Variants in DDX10 observed in about 807,000 individuals in gnomAD.
DDX10 encodes the protein probable ATP-dependent RNA helicase DDX10.
In DDX10, 74 loss-of-function variants were observed where a neutral mutation model predicts 104.3. That is an observed-to-expected ratio of 0.71 (90% CI 0.59 to 0.86). DDX10 has a LOEUF of 0.86. Ranked by LOEUF, DDX10 falls within the 40% of genes least tolerant of loss-of-function variation. The pLI, the probability that DDX10 is intolerant of heterozygous loss-of-function variation, is 0.00. For missense variants in DDX10, 952 were observed against 1,040.0 expected (o/e 0.92, Z 1.16); for synonymous variants, 351 against 353.4 (o/e 0.99, Z 0.08).
chr11:108,803,065 A>G (rs1281202565), intron 13 of DDX10, among the ~76,000 whole-genome samples: 1 of 152,320 alleles, frequency 6.6e-6, no homozygotes, highest in East Asian at 1.9e-4. Context: ...TTACACATAC[A>G]TGCTGTCTCC....
rs532253752 is a variant in DDX10, at chr11:108,863,573, T to C, written c.2304+11364T>C. Reference sequence around the variant, plus strand: ...TCCATTTATTTATATTAGCACAGCTTTCTTTGGAAAGTATATTATCGGAAG... The same window carrying C: ...TCCATTTATTTATATTAGCACAGCTCTCTTTGGAAAGTATATTATCGGAAG... On this transcript the variant is annotated intron_variant, in intron 16 of 17. Transcript: ENST00000322536. 6.6e-5 allele frequency among the ~76,000 whole-genome samples: 10 copies of C among 152,342 alleles called. No homozygotes were observed. In the South Asian group the frequency reaches 2.1e-3, roughly 32 times the overall value.
In DDX10 at chr11:108,796,919, A is replaced by G. The variant is rs77304608; in HGVS notation, c.1966-41527A>G. Among the ~76,000 whole-genome samples the G allele has an allele frequency of 7.0e-4, 106 of 152,266 alleles. 1 individual carries two copies. In the East Asian group the frequency reaches 0.02, roughly 28 times the overall value. On this transcript the variant is annotated intron_variant, in intron 13 of 17. Coordinates refer to ENST00000322536, the MANE Select transcript of DDX10 (RefSeq NM_004398.4). ...TGTGTGATGCCTTTCACGGTGTTAT[A>G]ATGCAGCAAGAAGGCCCTCATCAGA... is the stretch of plus-strand genomic sequence containing the variant.
intron 13 of DDX10, among the ~76,000 whole-genome samples, chr11:108,752,276 T>A (rs1455802716): frequency 6.6e-6 from 1 of 152,152 alleles, no homozygotes; most frequent in African/African-American, 2.4e-5. Context: ...ACCGGGTTCC[T>A]CTTGCTTCTG....
intron 13 of DDX10, among the ~76,000 whole-genome samples, chr11:108,823,138 A>C (rs913510175): frequency 1.3e-5 from 2 of 152,206 alleles, no homozygotes; most frequent in African/African-American, 4.8e-5. Flanking sequence ...AATCACCACT[A>C]TATGGCTTTG....
chr11:108,890,052 A>G (rs1863355033), intron 16 of DDX10, among the ~76,000 whole-genome samples: 1 of 152,134 alleles, frequency 6.6e-6, no homozygotes, highest in Non-Finnish European at 1.5e-5. Flanking sequence ...GAATAAACCA[A>G]CAGATCTTGG....
At chr11:108,688,233 G>T (rs1565247441) in intron 6 of DDX10, among the ~76,000 whole-genome samples, 1 of 151,982 alleles carries the variant, frequency 6.6e-6, no homozygotes. Context: ...GAATAAAGTA[G>T]GTTTATTAAT....
chr11:108,862,616 GA>G (rs1862955854), intron 16 of DDX10, among the ~76,000 whole-genome samples: 1 of 152,196 alleles, frequency 6.6e-6, no homozygotes, highest in African/African-American at 2.4e-5. Context: ...ATGAGAAAAT[GA>G]GCTTTATTTT....
At chr11:108,817,043 A>G (rs2126570) in intron 13 of DDX10, among the ~76,000 whole-genome samples, 133,994 of 152,196 alleles carry the variant, frequency 0.88, 59,374 homozygotes, top group East Asian at 0.99. Context: ...GAAAAATGGC[A>G]TTCTTTATGC....
intron 13 of DDX10, among the ~76,000 whole-genome samples, chr11:108,723,835 G>T (rs937242715): frequency 1.3e-5 from 2 of 152,060 alleles, no homozygotes; most frequent in East Asian, 1.9e-4. Context: ...AAATTATAAG[G>T]AACAGTTGTA....
At chr11:108,851,506 A>G (rs1429769136) in intron 15 of DDX10, among the ~76,000 whole-genome samples, 1 of 152,194 alleles carries the variant, frequency 6.6e-6, no homozygotes, top group African/African-American at 2.4e-5. Context: ...AACGTCTCTT[A>G]TAATCTCATT....
At chr11:108,748,255 T>C (rs1315852637) in intron 13 of DDX10, among the ~76,000 whole-genome samples, 4 of 152,168 alleles carry the variant, frequency 2.6e-5, no homozygotes, top group Admixed American at 6.5e-5. Flanking sequence ...AGGGCAATCA[T>C]GTCTGTCAGA....
chr11:108,708,585 T>TG, intron 10 of DDX10, among the ~76,000 whole-genome samples: 1 of 151,572 alleles, frequency 6.6e-6, no homozygotes, highest in Non-Finnish European at 1.5e-5. Context: ...TTTTTTTTTT[T>TG]GAGACAGAGT....
chr11:108,843,070 T>C (rs1340571560), intron 15 of DDX10, among the ~76,000 whole-genome samples: 10 of 152,210 alleles, frequency 6.6e-5, no homozygotes, highest in African/African-American at 2.2e-4. Flanking sequence ...GGCTCTGCCA[T>C]AGGCTGTGAA....
intron 13 of DDX10, among the ~76,000 whole-genome samples, chr11:108,814,194 C>T (rs1862224383): frequency 6.6e-6 from 1 of 152,148 alleles, no homozygotes; most frequent in South Asian, 2.1e-4. Flanking sequence ...ATGGCATAGA[C>T]ATAGGCTAAG....
chr11:108,808,655 C>G (rs894713575), intron 13 of DDX10, among the ~76,000 whole-genome samples: 1 of 151,946 alleles, frequency 6.6e-6, no homozygotes, highest in Admixed American at 6.6e-5. Context: ...TACTATTTGG[C>G]AAAGCAACAG....
At chr11:108,855,292 A>T (rs1443463594) in intron 16 of DDX10, among the ~76,000 whole-genome samples, 1 of 152,160 alleles carries the variant, frequency 6.6e-6, no homozygotes. Context: ...TTATCTAGCT[A>T]AATTTCCTTT....
At chr11:108,837,941 C>G (rs1862579789) in intron 13 of DDX10, among the ~76,000 whole-genome samples, 1 of 152,004 alleles carries the variant, frequency 6.6e-6, no homozygotes, top group Admixed American at 6.6e-5. Context: ...GTTTAATTGT[C>G]ATTGGATATT....
Position 108,719,824 on chromosome 11 carries a change from T to C in DDX10, c.1438T>C (p.Tyr480His). ...RCFVSYVRSV[Y>H]LMKDKEVFDV... ...TTTCGTCTCCTATGTACGATCTGTA[T>C]ATCTGATGAAGGATAAAGAAGTATT... is the stretch of plus-strand genomic sequence containing the variant. Residue 480 changes from tyrosine to histidine, a missense_variant, in exon 12 of 18, where the codon TAT becomes CAT. Around this residue, in one of 3 missense-constraint regions of DDX10, gnomAD observed 533 missense variants for 534.1 expected, o/e 1.00. Transcript: ENST00000322536. 1 of 1,606,540 alleles carries C rather than the reference T, an allele frequency of 6.2e-7. No individual in the cohort carries two copies. The highest frequency in any genetic ancestry group is 1.1e-5 in the South Asian group (1 of 90,878).
intron 15 of DDX10, among the ~76,000 whole-genome samples, chr11:108,846,429 A>C (rs1340440087): frequency 6.6e-6 from 1 of 152,164 alleles, no homozygotes; most frequent in Non-Finnish European, 1.5e-5. Context: ...TCTCCCCTGC[A>C]AGCCTTCCAC....
Sources: gnomAD v4.1 joint callset for allele counts (sites outside exome capture counted in the v4.1 genomes callset) on GRCh38, gnomAD v4.1.1 for gene constraint, gnomAD v4.1.1 regional missense constraint, MANE v1.5 for transcripts, NCBI Gene and HGNC (gene_info 2026-07-23, HGNC 2026-07-21) for gene names.